The following BAG4 variants were observed in gnomAD, a reference collection of about 807,000 sequenced individuals.
BAG4 encodes BAG cochaperone 4.
A neutral mutation model predicts 52.1 loss-of-function variants in BAG4; 28 were observed. The observed-to-expected ratio is 0.54, with a 90% CI of 0.40 to 0.74. The LOEUF is 0.74. BAG4 is among the 30% of genes least tolerant of loss of function. The probability of loss-of-function intolerance (pLI) is 0.00; values close to 1 mark genes in which losing one functional copy is unlikely to be tolerated. For missense variants in BAG4, 525 were observed against 572.0 expected (o/e 0.92, Z 0.84); for synonymous variants, 208 against 217.0 (o/e 0.96, Z 0.37).
intron 2 of BAG4, among the ~76,000 whole-genome samples, chr8:38,199,803 G>C (rs773962689): frequency 3.9e-5 from 6 of 152,044 alleles, no homozygotes; most frequent in South Asian, 2.1e-4. Context: ...GATTACAGAC[G>C]TGAGCCACTG....
chr8:38,209,907 T>C, intron 4 of BAG4, 101 bp from the exon 5 acceptor site: 1 of 1,454,252 alleles, frequency 6.9e-7, no homozygotes, highest in Non-Finnish European at 9.3e-7. Flanking sequence ...AATCTTTTCA[T>C]GTACCTTTCT....
At chr8:38,177,425 A>T (rs1257419293) in intron 1 of BAG4, among the ~76,000 whole-genome samples, 1 of 152,132 alleles carries the variant, frequency 6.6e-6, no homozygotes, top group African/African-American at 2.4e-5. Context: ...CTCTCCTGGG[A>T]GCGGTGCTGG....
rs868231605 is a variant in BAG4, at chr8:38,177,020, C to A, written c.151C>A (p.Arg51=). 6.2e-7 allele frequency: 1 copy of A among 1,603,920 alleles called. No homozygotes were observed. The highest frequency in any genetic ancestry group is 8.5e-7 in the Non-Finnish European group (1 of 1,175,758). Residue 51 remains arginine (R), a synonymous_variant, in exon 1 of 5, where the codon CGG becomes AGG. Coordinates refer to ENST00000287322, the MANE Select transcript of BAG4 (RefSeq NM_004874.4). ...PEPPQPPISW[R]VRGGGPAETT... is the part of the protein sequence containing the mutation. Reference sequence around the variant, plus strand: ...ACCTCCCCAGCCTCCCATTTCCTGGCGGGTGCGCGGGGGCGGCCCGGCGGA... The same window carrying A: ...ACCTCCCCAGCCTCCCATTTCCTGGAGGGTGCGCGGGGGCGGCCCGGCGGA...
intron 3 of BAG4, among the ~76,000 whole-genome samples, chr8:38,208,175 C>T (rs1157048848): frequency 1.3e-5 from 2 of 151,492 alleles, no homozygotes; most frequent in African/African-American, 2.4e-5. Context: ...TGGGGTTTCA[C>T]CATGTTGGCC....
In BAG4 at chr8:38,198,562, T is replaced by C. The variant is rs1053836032; in HGVS notation, c.378+5767T>C. 2.9e-4 allele frequency among the ~76,000 whole-genome samples: 43 copies of C among 149,436 alleles called. 1 individual carries two copies. In the South Asian group the frequency reaches 8.3e-3, roughly 29 times the overall value. ...GCAGTGCAGTGGTGCGATCTCGGCT[T>C]ACTGCGACCTCCGCCTCCCAGGTTC... On this transcript the variant is annotated intron_variant, in intron 2 of 4. Transcript: ENST00000287322.
In BAG4 at chr8:38,210,623, T is replaced by G; in HGVS notation, c.*130T>G. On this transcript the variant is annotated 3_prime_UTR_variant, in exon 5 of 5. Transcript: ENST00000287322. ...ACATTCCAGCTTTCCTTTGATTTTA[T>G]ACTTGAAAAACTGGCAAAGGAATGG... The G allele has an allele frequency of 1.6e-6, 2 of 1,244,084 alleles. No homozygotes were observed. The highest frequency in any genetic ancestry group is 2.2e-6 in the Non-Finnish European group (2 of 927,756). The allele number at this position is 1,244,084 out of a possible 1,614,324, so 77.1% of individuals were successfully genotyped here.
At position 38,176,962 on chromosome 8, in the gene BAG4, C is replaced by A; in HGVS notation, c.93C>A (p.His31Gln). 1 of 1,568,698 alleles carries A rather than the reference C, an allele frequency of 6.4e-7. No homozygotes were observed. Among genetic ancestry groups the A allele is most frequent in the Non-Finnish European group, 8.6e-7 (1 of 1,157,022 alleles). ...YGPGGGDVPV[H>Q]PPPPLYPLRP... ...CTGGGGGTGGAGATGTGCCGGTACA[C>A]CCACCTCCACCCTTATATCCTCTTC... The change falls in exon 1 of 5, where the codon CAC becomes CAA. Residue 31 changes from histidine to glutamine, a missense_variant. By Grantham distance (24) the His-to-Gln change is conservative. Transcript: ENST00000287322.
intron 2 of BAG4, among the ~76,000 whole-genome samples, chr8:38,194,146 A>G (rs1803524049): frequency 1.3e-5 from 2 of 152,102 alleles, no homozygotes; most frequent in Admixed American, 1.3e-4. Flanking sequence ...TGCTGGGTTT[A>G]CAAGCATGAG....
Position 38,200,164 on chromosome 8 carries a change from G to A in BAG4, c.379-7348G>A, listed in dbSNP as rs560847148. Among the ~76,000 whole-genome samples the A allele has an allele frequency of 1.6e-4, 24 of 151,814 alleles. No homozygotes were observed. The East Asian group carries it at 3.9e-3, about 25-fold the overall frequency. On this transcript the variant is annotated intron_variant, in intron 2 of 4. Coordinates refer to ENST00000287322, the MANE Select transcript of BAG4 (RefSeq NM_004874.4). ...GATTACAGGCGGCTGCCACCATGCCGGGCTAATTTTTTTTGTATTGTTAGT... is the reference window on the plus strand; with the variant it reads ...GATTACAGGCGGCTGCCACCATGCCAGGCTAATTTTTTTTGTATTGTTAGT...
At position 38,209,091 on chromosome 8, in the gene BAG4, C is replaced by A. The variant is rs750893793; in HGVS notation, c.712C>A (p.Pro238Thr). The change falls in exon 4 of 5, where the codon CCA (proline) becomes ACA (threonine). Residue 238 changes from proline (P) to threonine (T), a missense_variant. Pro to Thr is a conservative substitution (Grantham distance 38, BLOSUM62 -1). Transcript: ENST00000287322. ...SVPQSGPTVR[P>T]QEDAWASPGA... Reference sequence around the variant, plus strand: ...TCCACAATCAGGACCGACTGTACGACCACAAGAAGATGCGTGGGCTTCTCC... The same window carrying A: ...TCCACAATCAGGACCGACTGTACGAACACAAGAAGATGCGTGGGCTTCTCC... The A allele has an allele frequency of 1.9e-6, 3 of 1,614,174 alleles. No homozygotes were observed. In the Admixed American group the frequency reaches 5.0e-5, roughly 27 times the overall value.
Position 38,207,580 on chromosome 8 carries a change from C to T in BAG4, c.447C>T (p.Ala149=). ...TYPPGPGANT[A]SYSGAYYAPG... ...CCCCAGGCCCTGGGGCAAATACTGCCTCATACTCAGGGGCTTATTATGCAC... is the reference window on the plus strand; with the variant it reads ...CCCCAGGCCCTGGGGCAAATACTGCTTCATACTCAGGGGCTTATTATGCAC... Residue 149 remains alanine (A), a synonymous_variant, in exon 3 of 5, where the codon GCC becomes GCT. Transcript: ENST00000287322. The T allele has an allele frequency of 6.2e-7, 1 of 1,613,806 alleles. No homozygotes were observed.
intron 1 of BAG4, among the ~76,000 whole-genome samples, chr8:38,182,887 T>A (rs528122025): frequency 3.0e-4 from 45 of 152,212 alleles, no homozygotes; most frequent in African/African-American, 1.0e-3. Context: ...GAGGACATTC[T>A]TTTTTTCATT....
intron 1 of BAG4, among the ~76,000 whole-genome samples, chr8:38,181,007 CT>C (rs1398290775): frequency 6.7e-6 from 1 of 148,614 alleles, no homozygotes; most frequent in Non-Finnish European, 1.5e-5. Context: ...GTGGCCTGAT[CT>C]CGGCTCACCG....
rs763764823 is a variant in BAG4, at chr8:38,209,081, G to A, written c.702G>A (p.Pro234=). 1.7e-5 allele frequency: 28 copies of A among 1,614,146 alleles called. No individual in the cohort carries two copies. The highest frequency in any genetic ancestry group is 2.1e-5 in the Non-Finnish European group (25 of 1,180,016). ...ATCGTAGTGTTCCACAATCAGGACC[G>A]ACTGTACGACCACAAGAAGATGCGT... ...DGNRSVPQSG[P]TVRPQEDAWA... Residue 234 remains proline (P), a synonymous_variant, in exon 4 of 5, where the codon CCG becomes CCA. Transcript: ENST00000287322.
chr8:38,187,761 G>T lies in BAG4; in HGVS notation c.271-4927G>T, dbSNP rs572504219. Reference sequence around the variant, plus strand: ...AGCCCAGCTGGGTGCTGTGGCTCACGCCTGTAATCCCAGCAATTTGGGAGG... The same window carrying T: ...AGCCCAGCTGGGTGCTGTGGCTCACTCCTGTAATCCCAGCAATTTGGGAGG... On this transcript the variant is annotated intron_variant, in intron 1 of 4. Transcript: ENST00000287322. Among the ~76,000 whole-genome samples, 20 of 151,150 alleles carry T rather than the reference G, an allele frequency of 1.3e-4. 1 individual carries two copies. Among genetic ancestry groups the T allele is most frequent in the Non-Finnish European group, 2.7e-4 (18 of 67,912 alleles).
At chr8:38,179,758 C>T (rs1185471939) in intron 1 of BAG4, among the ~76,000 whole-genome samples, 2 of 151,418 alleles carry the variant, frequency 1.3e-5, no homozygotes. Flanking sequence ...AAGAGCGAAA[C>T]TCCATCTCAA....
chr8:38,183,335 C>T lies in BAG4; in HGVS notation c.270+6196C>T, dbSNP rs530064429. On this transcript the variant is annotated intron_variant, in intron 1 of 4. Coordinates refer to ENST00000287322, the MANE Select transcript of BAG4 (RefSeq NM_004874.4). ...GTTCTGGGATTACAGGCATGAGCCA[C>T]TGTGCCTGGCCACCTTTAAGCTTTT... Among the ~76,000 whole-genome samples the T allele has an allele frequency of 2.2e-4, 33 of 152,288 alleles. 2 individuals carry two copies. In the South Asian group the frequency reaches 6.2e-3, roughly 29 times the overall value.
At chr8:38,185,451 A>C (rs960546243) in intron 1 of BAG4, among the ~76,000 whole-genome samples, 34 of 152,248 alleles carry the variant, frequency 2.2e-4, no homozygotes, top group African/African-American at 6.8e-4. Flanking sequence ...GCATGACAGC[A>C]TGAAGAATTC....
chr8:38,179,260 A>C (rs1803223201), intron 1 of BAG4, among the ~76,000 whole-genome samples: 3 of 151,964 alleles, frequency 2.0e-5, no homozygotes, highest in African/African-American at 7.2e-5. Context: ...CCCGGGGTCA[A>C]AGTCTCCTGC....
Sources: gnomAD v4.1 joint callset for allele counts (sites outside exome capture counted in the v4.1 genomes callset) on GRCh38, gnomAD v4.1.1 for gene constraint, MANE v1.5 for transcripts, NCBI Gene and HGNC (gene_info 2026-07-23, HGNC 2026-07-21) for gene names.